The following ENOX1 variants were observed in gnomAD, a reference collection of about 807,000 sequenced individuals.
ENOX1 encodes candidate growth-related and time keeping constitutive hydroquinone (NADH) oxidase.
A neutral mutation model predicts 82.5 loss-of-function variants in ENOX1; 42 were observed. That is an observed-to-expected ratio of 0.51 (90% CI 0.40 to 0.66). The LOEUF is 0.66. Among genes scored for constraint, ENOX1 ranks in the 30% least tolerant of loss-of-function variants. ENOX1 has a pLI of 0.00. For synonymous variants in ENOX1, 271 were observed against 282.2 expected, an observed-to-expected ratio of 0.96 and a Z score of 0.40; for missense variants, 608 against 811.6, an observed-to-expected ratio of 0.75 and a Z score of 3.05.
At chr13:43,343,959 C>G (rs1380881820) in intron 9 of ENOX1, among the ~76,000 whole-genome samples, 4 of 151,984 alleles carry the variant, frequency 2.6e-5, no homozygotes, top group African/African-American at 9.7e-5. Flanking sequence ...CATTTAGACT[C>G]TGGACATAAA....
chr13:43,312,467 T>C (rs2047259389), intron 11 of ENOX1, among the ~76,000 whole-genome samples: 1 of 152,196 alleles, frequency 6.6e-6, no homozygotes, highest in Non-Finnish European at 1.5e-5. Context: ...GGGCTGATAT[T>C]GTAGCTCAGA....
chr13:43,215,943 T>TCC (rs1364652929), intron 16 of ENOX1, among the ~76,000 whole-genome samples: 9 of 152,166 alleles, frequency 5.9e-5, no homozygotes, highest in African/African-American at 2.2e-4. Context: ...ATGCCTGTAA[T>TCC]CCCAGCATTT....
At chr13:43,549,909 C>T (rs2079119005) in intron 2 of ENOX1, among the ~76,000 whole-genome samples, 1 of 152,176 alleles carries the variant, frequency 6.6e-6, no homozygotes, top group African/African-American at 2.4e-5. Context: ...GGCTCTAAGA[C>T]AGCGGCTGCC....
rs553392133 is a variant in ENOX1, at chr13:43,383,243, T to G, written c.209-21791A>C. Reference sequence around the variant, plus strand: ...AGATAAAAACTTGCAGGGTTTTAGGTGTCATTGTATATCTGAATTTACTCC... The same window carrying G: ...AGATAAAAACTTGCAGGGTTTTAGGGGTCATTGTATATCTGAATTTACTCC... On this transcript the variant is annotated intron_variant, in intron 5 of 16. Coordinates refer to ENST00000690772, the MANE Select transcript of ENOX1 (RefSeq NM_001347969.2). Among the ~76,000 whole-genome samples the G allele has an allele frequency of 3.9e-5, 6 of 152,220 alleles. No homozygotes were observed. The East Asian group carries it at 1.2e-3, about 29-fold the overall frequency.
chr13:43,283,616 ATT>A, intron 12 of ENOX1, among the ~76,000 whole-genome samples: 1 of 144,066 alleles, frequency 6.9e-6, no homozygotes, highest in Non-Finnish European at 1.5e-5. Flanking sequence ...TAGCTAATTA[ATT>A]TTTTTTTTTT....
In ENOX1 at chr13:43,352,333, G is replaced by T. The variant is rs183235569; in HGVS notation, c.823+3586C>A. On this transcript the variant is annotated intron_variant, in intron 8 of 16. Coordinates refer to ENST00000690772, the MANE Select transcript of ENOX1 (RefSeq NM_001347969.2). ...AGATTATGTGAAGCTTTCTAAGGGG[G>T]TACAAAGTACGTAAAAACTTTTAAA... Among the ~76,000 whole-genome samples, 5 of 152,336 alleles carry T rather than the reference G, an allele frequency of 3.3e-5. No homozygotes were observed. The East Asian group carries it at 9.6e-4, about 29-fold the overall frequency.
rs2086973187 is a variant in ENOX1 at position 43,702,688 on chromosome 13, T to C, written c.-284-35144A>G. Among the ~76,000 whole-genome samples, 2 of 152,124 alleles carry C rather than the reference T, an allele frequency of 1.3e-5. 1 individual carries two copies. The highest frequency in any genetic ancestry group is 4.1e-4 in the South Asian group (2 of 4,824). On this transcript the variant is annotated intron_variant, in intron 1 of 16. Coordinates refer to ENST00000690772, the MANE Select transcript of ENOX1 (RefSeq NM_001347969.2). ...AGTCTGGGCTGGGCGCAGTGGTTCA[T>C]GCCTGTAATACCAACATTTTGGGAG...
intron 2 of ENOX1, among the ~76,000 whole-genome samples, chr13:43,560,002 A>G (rs1360962929): frequency 6.6e-6 from 1 of 152,208 alleles, no homozygotes; most frequent in East Asian, 1.9e-4. Flanking sequence ...CTTGCTAGAG[A>G]TAATAACCAT....
At chr13:43,433,962 G>A (rs1185180020) in intron 3 of ENOX1, among the ~76,000 whole-genome samples, 1 of 152,190 alleles carries the variant, frequency 6.6e-6, no homozygotes, top group East Asian at 1.9e-4. Context: ...AGTAGAGATG[G>A]GCCAGCAAGA....
Position 43,609,109 on chromosome 13 carries a change from T to A in ENOX1, c.-219+58370A>T, listed in dbSNP as rs1439396289. 2.0e-5 allele frequency among the ~76,000 whole-genome samples: 3 copies of A among 152,344 alleles called. No homozygotes were observed. In the East Asian group the frequency reaches 5.8e-4, roughly 29 times the overall value. On this transcript the variant is annotated intron_variant, in intron 2 of 16. Transcript: ENST00000690772. ...GAGCCCCTTTCCTTGTATTTTATAG[T>A]CTAATCTTTGATCTGACATTTTTCC... is the stretch of plus-strand genomic sequence containing the variant.
At chr13:43,493,140 C>G (rs1415089470) in intron 2 of ENOX1, among the ~76,000 whole-genome samples, 1 of 152,182 alleles carries the variant, frequency 6.6e-6, no homozygotes, top group Non-Finnish European at 1.5e-5. Flanking sequence ...TTCTCTCTCT[C>G]TCTCTCTCTC....
At chr13:43,344,856 T>A in intron 8 of ENOX1, 106 bp from the exon 9 acceptor site, 1 of 1,108,622 alleles carries the variant, frequency 9.0e-7, no homozygotes, top group South Asian at 1.5e-5. Flanking sequence ...GTGGATATAT[T>A]TTCAGAACTC....
chr13:43,631,865 C>T (rs1308535284), intron 2 of ENOX1, among the ~76,000 whole-genome samples: 6 of 152,134 alleles, frequency 3.9e-5, no homozygotes, highest in African/African-American at 1.4e-4. Flanking sequence ...ATTGTAAAAA[C>T]GTGGCTTGTT....
intron 2 of ENOX1, among the ~76,000 whole-genome samples, chr13:43,541,032 A>T (rs1391078529): frequency 3.7e-5 from 5 of 135,198 alleles, no homozygotes; most frequent in African/African-American, 1.2e-4. Context: ...CAGTAAATAA[A>T]GTCTAATACT....
At chr13:43,338,630 C>T (rs1455234711) in intron 9 of ENOX1, among the ~76,000 whole-genome samples, 2 of 150,822 alleles carry the variant, frequency 1.3e-5, no homozygotes, top group Non-Finnish European at 2.9e-5. Context: ...AAAAATCGCC[C>T]TACACAGAAG....
At chr13:43,611,788 G>A (rs1031623993) in intron 2 of ENOX1, among the ~76,000 whole-genome samples, 7 of 152,174 alleles carry the variant, frequency 4.6e-5, no homozygotes, top group Admixed American at 2.6e-4. Flanking sequence ...TGCAAAACAA[G>A]TAAACCTCCC....
At chr13:43,266,889 T>C (rs2044402839) in intron 13 of ENOX1, among the ~76,000 whole-genome samples, 1 of 152,212 alleles carries the variant, frequency 6.6e-6, no homozygotes, top group Non-Finnish European at 1.5e-5. Context: ...TCAGCAGAAG[T>C]AGAGGACTAT....
chr13:43,366,498 G>A lies in ENOX1; in HGVS notation c.209-5046C>T, dbSNP rs551957943. Among the ~76,000 whole-genome samples, 17 of 152,196 alleles carry A rather than the reference G, an allele frequency of 1.1e-4. No homozygotes were observed. In the East Asian group the frequency reaches 2.3e-3, roughly 21 times the overall value. ...TCACCGTGTTAGCCAGGATGGTCTC[G>A]ATCTCCTGACCTCGTGATCTGCCTG... On this transcript the variant is annotated intron_variant, in intron 5 of 16. Coordinates refer to ENST00000690772, the MANE Select transcript of ENOX1 (RefSeq NM_001347969.2).
chr13:43,528,184 C>A (rs1310970414), intron 2 of ENOX1, among the ~76,000 whole-genome samples: 10 of 152,068 alleles, frequency 6.6e-5, no homozygotes, highest in Non-Finnish European at 1.2e-4. Context: ...TCTAGACCCA[C>A]CTTACTTTCA....
Sources: allele counts gnomAD v4.1 joint callset (sites outside exome capture counted in the v4.1 genomes callset), GRCh38; gene constraint gnomAD v4.1.1; transcripts MANE v1.5; gene names NCBI Gene and HGNC (gene_info 2026-07-23, HGNC 2026-07-21).